Variants in QTGAL observed in about 807,000 individuals in gnomAD.
QTGAL encodes the protein queuosine-tRNA galactosyltransferase, also known as BGnT-like protein 1.
At chr17:82,951,774 C>G in the QTGAL span, among the ~76,000 whole-genome samples, 2 of 136,794 alleles carry the variant, frequency 1.5e-5, no homozygotes, top group East Asian at 4.6e-4. Flanking sequence ...AATGTTGTGC[C>G]TCAGGGAATA....
At chr17:82,993,870 CA>C in the QTGAL span, among the ~76,000 whole-genome samples, 1 of 151,884 alleles carries the variant, frequency 6.6e-6, no homozygotes, top group African/African-American at 2.4e-5. Context: ...GGAAACTATA[CA>C]AACAATGGTA....
At chr17:82,944,187 CTA>C in the QTGAL span, 1 of 152,216 alleles carries the variant, frequency 6.6e-6, no homozygotes, top group Non-Finnish European at 1.5e-5. Flanking sequence ...ATCAGTGACA[CTA>C]TGTGGCAAAG....
the QTGAL span, among the ~76,000 whole-genome samples, chr17:83,034,682 G>T: frequency 6.6e-6 from 1 of 152,200 alleles, no homozygotes; most frequent in East Asian, 1.9e-4. Context: ...GAATCACGGG[G>T]GCGGGCATTT....
At chr17:83,035,627 G>A in the QTGAL span, among the ~76,000 whole-genome samples, 34 of 151,996 alleles carry the variant, frequency 2.2e-4, no homozygotes, top group Non-Finnish European at 4.6e-4. Context: ...AGTCCACTGG[G>A]TACTTCATTA....
chr17:82,982,057 C>T, the QTGAL span, among the ~76,000 whole-genome samples: 67 of 150,690 alleles, frequency 4.4e-4, no homozygotes, highest in African/African-American at 1.5e-3. Context: ...GGTGATGGGC[C>T]AAGCGGGTGG....
chr17:82,947,048 C>T, the QTGAL span: 1 of 1,417,126 alleles, frequency 7.1e-7, no homozygotes, highest in Non-Finnish European at 9.7e-7. Flanking sequence ...TGTGGAGCCT[C>T]CTCCAGGGCC....
the QTGAL span, among the ~76,000 whole-genome samples, chr17:83,041,917 C>T: frequency 6.6e-6 from 1 of 152,152 alleles, no homozygotes; most frequent in African/African-American, 2.4e-5. Context: ...TAAACAAAAA[C>T]TGAGGCAGTT....
At chr17:82,967,907 C>A in the QTGAL span, among the ~76,000 whole-genome samples, 1 of 151,914 alleles carries the variant, frequency 6.6e-6, no homozygotes, top group Non-Finnish European at 1.5e-5. Context: ...AGCACTCACT[C>A]CAGCCTGGGC....
the QTGAL span, among the ~76,000 whole-genome samples, chr17:82,983,258 C>A: frequency 6.6e-6 from 1 of 152,250 alleles, no homozygotes; most frequent in East Asian, 1.9e-4. Flanking sequence ...CCAGTCTGGG[C>A]GACAGAGCGA....
the QTGAL span, among the ~76,000 whole-genome samples, chr17:83,010,915 G>C: frequency 2.0e-5 from 3 of 152,250 alleles, no homozygotes; most frequent in Admixed American, 6.5e-5. Context: ...CTCCCTGCAT[G>C]CTCCATCCCA....
chr17:83,035,195 T>C, the QTGAL span: 46 of 1,075,786 alleles, frequency 4.3e-5, no homozygotes, highest in Middle Eastern at 4.6e-4. Context: ...TTTTTTTTTT[T>C]CGAGATGGAG....
the QTGAL span, among the ~76,000 whole-genome samples, chr17:83,014,021 G>A: frequency 3.3e-5 from 5 of 152,110 alleles, no homozygotes; most frequent in Admixed American, 6.5e-5. Flanking sequence ...AGGAGCCCAC[G>A]GGGCACTGCT....
the QTGAL span, among the ~76,000 whole-genome samples, chr17:82,997,920 TA>T: frequency 0.11 from 14,551 of 137,504 alleles, 1,048 homozygotes; most frequent in African/African-American, 0.22. Context: ...TTAATGGGTT[TA>T]AAAAAAAAAA....
chr17:82,998,895 C>G, the QTGAL span, among the ~76,000 whole-genome samples: 4 of 151,874 alleles, frequency 2.6e-5, no homozygotes, highest in Non-Finnish European at 4.4e-5. Context: ...CACATTATTA[C>G]CCATTTGAGA....
the QTGAL span, among the ~76,000 whole-genome samples, chr17:82,986,426 G>A: frequency 1.1e-3 from 165 of 152,318 alleles, 1 homozygote; most frequent in African/African-American, 3.6e-3. Context: ...TAAGGAAATC[G>A]CTTTAAAAGC....
chr17:83,032,832 G>C, the QTGAL span, among the ~76,000 whole-genome samples: 2 of 152,182 alleles, frequency 1.3e-5, no homozygotes, highest in Admixed American at 6.5e-5. Context: ...GCCGCCCTGG[G>C]GGTTCCGCCT....
chr17:82,969,770 C>T, the QTGAL span, among the ~76,000 whole-genome samples: 2 of 152,304 alleles, frequency 1.3e-5, no homozygotes, highest in South Asian at 2.1e-4. Context: ...GCCTCAACCT[C>T]CCCGGCTCAA....
the QTGAL span, among the ~76,000 whole-genome samples, chr17:83,047,852 G>A: frequency 1.0e-4 from 13 of 130,394 alleles, no homozygotes; most frequent in Non-Finnish European, 1.9e-4. Flanking sequence ...AAGAAATTTA[G>A]GTCTATAATA....
At chr17:83,013,692 C>T in the QTGAL span, among the ~76,000 whole-genome samples, 10 of 151,848 alleles carry the variant, frequency 6.6e-5, no homozygotes, top group South Asian at 8.3e-4. Flanking sequence ...CACGTGCCCA[C>T]GACGCACAGC....
Sources: gnomAD v4.1 joint callset for allele counts (sites outside exome capture counted in the v4.1 genomes callset) on GRCh38, gnomAD v4.1.1 for gene constraint, MANE v1.5 for transcripts, NCBI Gene and HGNC (gene_info 2026-07-23, HGNC 2026-07-21) for gene names.